HIBCH: variants seen among roughly 807,000 people sequenced by gnomAD.
The protein encoded by HIBCH is 3-hydroxyisobutyryl-CoA hydrolase, mitochondrial.
In HIBCH, 50 loss-of-function variants were observed where a neutral mutation model predicts 58.2. That is an observed-to-expected ratio of 0.86 (90% confidence interval 0.68 to 1.09). The LOEUF (loss-of-function observed/expected upper bound fraction) is 1.09, where lower values mean the gene tolerates loss of function less well. Ranked by LOEUF, HIBCH falls within the 50% of genes least tolerant of loss-of-function variation. The probability of loss-of-function intolerance (pLI) is 0.00; values close to 1 mark genes in which losing one functional copy is unlikely to be tolerated. For synonymous variants in HIBCH, 151 were observed against 146.9 expected (o/e 1.03, Z -0.20); for missense variants, 450 against 449.7 (o/e 1.00, Z -0.01).
At chr2:190,286,904 T>C (rs1330540547) in intron 6 of HIBCH, among the ~76,000 whole-genome samples, 1 of 151,824 alleles carries the variant, frequency 6.6e-6, no homozygotes, top group African/African-American at 2.4e-5. Context: ...CTTCTGAAGT[T>C]TCTGAAAAGA....
Position 190,211,122 on chromosome 2 carries a change from T to G in HIBCH, c.1011+1834A>C, listed in dbSNP as rs75844422. Among the ~76,000 whole-genome samples the G allele has an allele frequency of 1.3e-5, 2 of 152,204 alleles. No individual in the cohort carries two copies. Among genetic ancestry groups the G allele is most frequent in the Admixed American group, 6.5e-5 (1 of 15,282 alleles). On this transcript the variant is annotated intron_variant, in intron 12 of 13. Coordinates refer to ENST00000359678, the MANE Select transcript of HIBCH (RefSeq NM_014362.4). This position sits in a 1 kb window ranked among gnomAD's most constrained non-coding sequence, Gnocchi z 5.0. ...AACCTCAACCCCTGGAGCACACCTATGTACCTGGAACCTATGTACCTGGGT... is the reference window on the plus strand; with the variant it reads ...AACCTCAACCCCTGGAGCACACCTAGGTACCTGGAACCTATGTACCTGGGT...
At chr2:190,255,591 G>A (rs1292934174) in intron 7 of HIBCH, among the ~76,000 whole-genome samples, 1 of 152,176 alleles carries the variant, frequency 6.6e-6, no homozygotes, top group Non-Finnish European at 1.5e-5. Flanking sequence ...AAGCAATAAA[G>A]AAAAGTGGTC....
chr2:190,232,727 G>A (rs1686142546), intron 11 of HIBCH, among the ~76,000 whole-genome samples: 1 of 152,180 alleles, frequency 6.6e-6, no homozygotes, highest in Admixed American at 6.5e-5. Context: ...GGGAGGCCGA[G>A]GCAGGTGGAT....
chr2:190,277,432 G>A (rs975368733), intron 6 of HIBCH, among the ~76,000 whole-genome samples: 6 of 152,228 alleles, frequency 3.9e-5, no homozygotes, highest in Non-Finnish European at 7.4e-5. Context: ...CTTTTGGACT[G>A]TACAAATTCT....
Position 190,244,873 on chromosome 2 carries a change from G to A in HIBCH, c.891+14C>T. On this transcript the variant is annotated intron_variant, in intron 11 of 13. Transcript: ENST00000359678. ...CACTATGTTCACTCAGGGCAGAAAG[G>A]ATTCCAATATTACCTTCAATTGCTC... 6.4e-7 allele frequency: 1 copy of A among 1,559,962 alleles called. No individual in the cohort carries two copies. Among genetic ancestry groups the A allele is most frequent in the Non-Finnish European group, 8.8e-7 (1 of 1,130,654 alleles).
chr2:190,213,139 G>A, intron 11 of HIBCH, 64 bp from the exon 12 acceptor site: 1 of 1,233,326 alleles, frequency 8.1e-7, no homozygotes, highest in Non-Finnish European at 1.2e-6. Context: ...TAATAAATGG[G>A]CAGAGTGTCT....
chr2:190,227,799 T>A (rs961161507), intron 11 of HIBCH, among the ~76,000 whole-genome samples: 3 of 151,994 alleles, frequency 2.0e-5, no homozygotes, highest in African/African-American at 7.3e-5. Context: ...AACAGACACA[T>A]GAAAAAATGC....
At chr2:190,234,727 G>C (rs889206920) in intron 11 of HIBCH, among the ~76,000 whole-genome samples, 7 of 151,922 alleles carry the variant, frequency 4.6e-5, no homozygotes, top group Non-Finnish European at 1.0e-4. Flanking sequence ...GCGGGCACCT[G>C]TAATCCCAGT....
chr2:190,212,385 G>C (rs1015817364), intron 12 of HIBCH, among the ~76,000 whole-genome samples: 2 of 152,266 alleles, frequency 1.3e-5, no homozygotes, highest in Non-Finnish European at 2.9e-5. Context: ...AGGGTCCTCT[G>C]AACATAAAGG....
At chr2:190,196,084 C>T (rs1214942094) in intron 1 of HIBCH, among the ~76,000 whole-genome samples, 1 of 150,900 alleles carries the variant, frequency 6.6e-6, no homozygotes, top group Non-Finnish European at 1.5e-5. Context: ...CATTTTCTTT[C>T]AGGTAATTTT....
intron 11 of HIBCH, among the ~76,000 whole-genome samples, chr2:190,224,644 A>C (rs1685836484): frequency 6.6e-6 from 1 of 152,220 alleles, no homozygotes; most frequent in Non-Finnish European, 1.5e-5. Context: ...GCAAGTCCTT[A>C]CAGACCTGCA....
Position 190,197,396 on chromosome 2 carries a change from G to A in HIBCH, c.*18-7399C>T, listed in dbSNP as rs1690029476. Among the ~76,000 whole-genome samples the A allele has an allele frequency of 6.6e-6, 1 of 152,180 alleles. No individual in the cohort carries two copies. Among genetic ancestry groups the A allele is most frequent in the African/African-American group, 2.4e-5 (1 of 41,442 alleles). ...TCTGGTGTCACTGTTCAACTCTTAA[G>A]TCCTAGAGGAAGTAATCGTTTGCTA... On this transcript the variant is annotated intron_variant, in intron 1 of 1. Transcript: ENST00000399855. The surrounding 1 kb of genome is among the most constrained non-coding windows in gnomAD (Gnocchi z 4.0).
intron 11 of HIBCH, among the ~76,000 whole-genome samples, chr2:190,224,813 C>A (rs935895136): frequency 1.3e-4 from 20 of 152,156 alleles, no homozygotes; most frequent in Admixed American, 2.6e-4. Flanking sequence ...ACTCTCCACC[C>A]CAAATCAACA....
In HIBCH at chr2:190,243,581, T is replaced by C. The variant is rs763051044; in HGVS notation, c.891+1306A>G. Among the ~76,000 whole-genome samples, 27 of 152,198 alleles carry C rather than the reference T, an allele frequency of 1.8e-4. No individual in the cohort carries two copies. Among genetic ancestry groups the C allele is most frequent in the Non-Finnish European group, 3.2e-4 (22 of 68,034 alleles). On this transcript the variant is annotated intron_variant, in intron 11 of 13. Transcript: ENST00000359678. This position sits in a 1 kb window ranked among gnomAD's most constrained non-coding sequence, Gnocchi z 4.1. Reference sequence around the variant, plus strand: ...TAGGCAAATAAATGGCTGGTCTACCTGCTCTAATTTATGCCCATCCTTGAA... The same window carrying C: ...TAGGCAAATAAATGGCTGGTCTACCCGCTCTAATTTATGCCCATCCTTGAA...
chr2:190,280,662 G>A (rs954687584), intron 6 of HIBCH, among the ~76,000 whole-genome samples: 6 of 152,060 alleles, frequency 3.9e-5, no homozygotes, highest in East Asian at 1.9e-4. Flanking sequence ...ATGAGCATGC[G>A]CACAACTTGA....
At chr2:190,260,293 T>A (rs1687052408) in intron 7 of HIBCH, 1 of 152,062 alleles carries the variant, frequency 6.6e-6, no homozygotes, top group Non-Finnish European at 1.5e-5. Context: ...AACTAACAAT[T>A]CAAAAATATC....
intron 11 of HIBCH, among the ~76,000 whole-genome samples, chr2:190,222,892 C>T (rs528786411): frequency 1.1e-4 from 17 of 152,282 alleles, no homozygotes; most frequent in African/African-American, 3.6e-4. Context: ...CAATGACAGA[C>T]TGGATTAAGA....
At chr2:190,286,437 T>C (rs1029085848) in intron 6 of HIBCH, among the ~76,000 whole-genome samples, 1 of 152,144 alleles carries the variant, frequency 6.6e-6, no homozygotes, top group African/African-American at 2.4e-5. Flanking sequence ...TGCTTCTCTA[T>C]TGTCAATCTG....
intron 6 of HIBCH, among the ~76,000 whole-genome samples, chr2:190,263,200 T>G (rs537868008): frequency 6.6e-6 from 1 of 152,320 alleles, no homozygotes; most frequent in South Asian, 2.1e-4. Context: ...TTAGCTAATT[T>G]TATACAGATT....
Sources: gnomAD v4.1 joint callset for allele counts (sites outside exome capture counted in the v4.1 genomes callset) on GRCh38, gnomAD v4.1.1 for gene constraint, Gnocchi (gnomAD v3.1) non-coding constraint, MANE v1.5 for transcripts, NCBI Gene and HGNC (gene_info 2026-07-23, HGNC 2026-07-21) for gene names.